FCRL2: variants seen among roughly 807,000 people sequenced by gnomAD.
FCRL2 encodes Fc receptor like 2.
Under a neutral mutation model 59.8 loss-of-function variants are expected in FCRL2, and 48 were observed. That is an observed-to-expected ratio of 0.80 (90% CI 0.64 to 1.02). FCRL2 has a LOEUF of 1.02. Among genes scored for constraint, FCRL2 ranks in the 50% least tolerant of loss-of-function variants. The pLI, the probability that FCRL2 is intolerant of heterozygous loss-of-function variation, is 0.00. For synonymous variants in FCRL2, 251 were observed against 229.5 expected (o/e 1.09, Z -0.85); for missense variants, 658 against 597.3 (o/e 1.10, Z -1.06).
In FCRL2 at chr1:157,768,573, C is replaced by T. The variant is rs1459495166; in HGVS notation, c.724G>A (p.Glu242Lys). ...TTTCCCATACTGGTTCCTGTGGCCT[C>T]TCTGTACCAGGAGAATGTGACATTT... The part of the protein sequence containing the change: ...TGNVTFSWYR[E>K]ATGTSMGKKT... The change falls in exon 5 of 12, where the codon GAG becomes AAG. Residue 242 changes from glutamate to lysine, a missense_variant. Glu to Lys is a moderately conservative substitution (Grantham distance 56). Transcript: ENST00000361516. 1 of 1,614,232 alleles carries T rather than the reference C, an allele frequency of 6.2e-7. No individual in the cohort carries two copies. The highest frequency in any genetic ancestry group is 1.3e-5 in the African/African-American group (1 of 75,058).
intron 10 of FCRL2, among the ~76,000 whole-genome samples, chr1:157,747,605 A>G (rs1477679126): frequency 6.6e-6 from 1 of 152,226 alleles, no homozygotes; most frequent in Non-Finnish European, 1.5e-5. Context: ...ACCACTGACC[A>G]GGAAATCAGC....
intron 7 of FCRL2, among the ~76,000 whole-genome samples, chr1:157,750,985 A>G (rs1332349099): frequency 6.6e-6 from 1 of 152,256 alleles, no homozygotes; most frequent in Non-Finnish European, 1.5e-5. Context: ...GGTAATTCAT[A>G]ACAAAACTAT....
At chr1:157,770,880 T>C (rs1649966631) in intron 2 of FCRL2, among the ~76,000 whole-genome samples, 1 of 152,212 alleles carries the variant, frequency 6.6e-6, no homozygotes. Flanking sequence ...ACTGAGTGGC[T>C]TATCAATAAC....
In FCRL2 at chr1:157,768,648, T is replaced by A. The variant is rs148798001; in HGVS notation, c.649A>T (p.Thr217Ser). ...AGCAGGATCAGTTTTTGTCCTTCAG[T>A]CACCTGTCCCCCGGGGGCCCGGATC... ...LEIRAPGGQVTEGQKLILLCS... is the reference protein window; with the variant it reads ...LEIRAPGGQVSEGQKLILLCS... The change falls in exon 5 of 12, where the codon ACT becomes TCT. Residue 217 changes from threonine to serine, a missense_variant. Transcript: ENST00000361516. 622 of 1,614,056 alleles carry A rather than the reference T, an allele frequency of 3.9e-4. No homozygotes were observed. Among genetic ancestry groups the A allele is most frequent in the Non-Finnish European group, 4.7e-4 (551 of 1,180,016 alleles).
At chr1:157,750,221 A>G (rs1316293354) in intron 7 of FCRL2, among the ~76,000 whole-genome samples, 1 of 152,254 alleles carries the variant, frequency 6.6e-6, no homozygotes, top group African/African-American at 2.4e-5. Flanking sequence ...CAAGAAACGC[A>G]GTATATTAGC....
intron 7 of FCRL2, among the ~76,000 whole-genome samples, chr1:157,760,533 C>T (rs532854567): frequency 3.3e-5 from 5 of 151,348 alleles, no homozygotes; most frequent in South Asian, 2.1e-4. Flanking sequence ...GAGGCTGAGG[C>T]GAGAAAATCG....
intron 7 of FCRL2, among the ~76,000 whole-genome samples, chr1:157,760,735 G>GAAAGAAAGAAAGAAAGAAAGAAAT (rs1557860535): frequency 9.6e-5 from 14 of 145,880 alleles, no homozygotes; most frequent in African/African-American, 3.6e-4. Context: ...AAGAAAGAAA[G>GAAAGAAAGAAAGAAAGAAAGAAAT]AAAGAAAGAA....
At chr1:157,770,770 C>T in intron 2 of FCRL2, 104 bp from the exon 3 acceptor site, 1 of 1,264,316 alleles carries the variant, frequency 7.9e-7, no homozygotes, top group Non-Finnish European at 1.1e-6. Context: ...CTTCTTTAAA[C>T]AAGATGGAAG....
At chr1:157,748,761 A>G in intron 9 of FCRL2, 114 bp downstream of exon 9, 2 of 1,173,952 alleles carry the variant, frequency 1.7e-6, no homozygotes, top group East Asian at 2.3e-5. Context: ...TTTATTGGGA[A>G]TGGCTGGGCC....
intron 7 of FCRL2, 106 bp downstream of exon 7, chr1:157,766,749 G>A: frequency 6.5e-7 from 1 of 1,544,972 alleles, no homozygotes; most frequent in Non-Finnish European, 8.7e-7. Flanking sequence ...GAAATTATTG[G>A]CTTTTGGAGA....
intron 1 of FCRL2, 107 bp downstream of exon 1, chr1:157,776,936 T>G: frequency 9.2e-7 from 1 of 1,091,610 alleles, no homozygotes; most frequent in Non-Finnish European, 1.4e-6. Context: ...AGGCAGGACC[T>G]GAGCATCCCC....
chr1:157,752,576 T>G (rs966649333), intron 7 of FCRL2, among the ~76,000 whole-genome samples: 5 of 152,194 alleles, frequency 3.3e-5, no homozygotes, highest in African/African-American at 1.2e-4. Flanking sequence ...AGGGAAAATA[T>G]AATCCTCTAA....
intron 7 of FCRL2, among the ~76,000 whole-genome samples, chr1:157,750,777 G>A (rs1271772442): frequency 6.6e-6 from 1 of 152,192 alleles, no homozygotes; most frequent in Non-Finnish European, 1.5e-5. Flanking sequence ...ATTCAAACAT[G>A]TATTAAATTA....
chr1:157,747,952 C>G (rs999955118), intron 10 of FCRL2, among the ~76,000 whole-genome samples: 1 of 152,196 alleles, frequency 6.6e-6, no homozygotes, highest in African/African-American at 2.4e-5. Flanking sequence ...CCTTCTTTTG[C>G]CTTGAATCTT....
At chr1:157,770,215 T>C in intron 3 of FCRL2, 65 bp from the exon 4 acceptor site, 2 of 1,570,872 alleles carry the variant, frequency 1.3e-6, no homozygotes, top group East Asian at 2.3e-5. Context: ...GAAAAGCCTC[T>C]GGCAAGAAGC....
Position 157,748,951 on chromosome 1 carries a change from G to A in FCRL2, c.1317C>T (p.Ser439=). 3.1e-6 allele frequency: 5 copies of A among 1,613,794 alleles called. No individual in the cohort carries two copies. Among genetic ancestry groups the A allele is most frequent in the Non-Finnish European group, 4.2e-6 (5 of 1,179,796 alleles). ...SSATNEPRGA[S]RPNPQEFTYS... ...AGGTGAACTCTTGAGGATTTGGCCT[G>A]GAAGCCCCTCTGTGAGAAAGTGAAT... Residue 439 remains serine (S), a synonymous_variant, in exon 9 of 12, where the codon TCC becomes TCT. Coordinates refer to ENST00000361516, the MANE Select transcript of FCRL2 (RefSeq NM_030764.4).
intron 7 of FCRL2, among the ~76,000 whole-genome samples, chr1:157,757,279 T>C (rs1648665973): frequency 6.6e-6 from 1 of 152,174 alleles, no homozygotes; most frequent in Non-Finnish European, 1.5e-5. Context: ...GAAGTACTAA[T>C]GCCAAATGTG....
chr1:157,771,309 G>A lies in FCRL2; in HGVS notation c.53-643C>T, dbSNP rs140733046. ...ACACAGGGAAACCATTGTCCTTAGC[G>A]GGCACTTTATTTTTTCATCCTCCAT... is the stretch of plus-strand genomic sequence containing the variant. On this transcript the variant is annotated intron_variant, in intron 2 of 11. Coordinates refer to ENST00000361516, the MANE Select transcript of FCRL2 (RefSeq NM_030764.4). Among the ~76,000 whole-genome samples, 92 of 152,146 alleles carry A rather than the reference G, an allele frequency of 6.0e-4. 1 individual carries two copies. In the East Asian group the frequency reaches 0.015, roughly 25 times the overall value.
Position 157,746,394 on chromosome 1 carries a change from A to G in FCRL2, c.*342T>C, listed in dbSNP as rs1369732643. On this transcript the variant is annotated 3_prime_UTR_variant, in exon 12 of 12. Coordinates refer to ENST00000361516, the MANE Select transcript of FCRL2 (RefSeq NM_030764.4). ...CACATAAATAAGTTAATACACCACT[A>G]TCAAGTCCTGTTCTCATCACTTCAC... is the stretch of plus-strand genomic sequence containing the variant. 6.9e-6 allele frequency: 2 copies of G among 290,732 alleles called. No homozygotes were observed. Among genetic ancestry groups the G allele is most frequent in the Non-Finnish European group, 1.3e-5 (2 of 155,200 alleles). 18.0% of individuals were successfully genotyped at this position (290,732 alleles called of 1,614,324 possible).
Sources: gnomAD v4.1 joint callset for allele counts (sites outside exome capture counted in the v4.1 genomes callset) on GRCh38, gnomAD v4.1.1 for gene constraint, MANE v1.5 for transcripts, NCBI Gene and HGNC (gene_info 2026-07-23, HGNC 2026-07-21) for gene names.